The following PTPN4 variants were observed in gnomAD, a reference collection of about 807,000 sequenced individuals.
PTPN4 encodes tyrosine-protein phosphatase non-receptor type 4.
Under a neutral mutation model 135.5 loss-of-function variants are expected in PTPN4, and 49 were observed. The ratio of observed to expected loss-of-function variants is 0.36; its 90% CI spans 0.29 to 0.46. The LOEUF (loss-of-function observed/expected upper bound fraction) is 0.46. PTPN4 is among the 20% of genes least tolerant of loss of function. PTPN4 has a pLI of 1.00. For synonymous variants in PTPN4, 333 were observed against 369.9 expected (o/e 0.90, Z 1.14); for missense variants, 860 against 1,101.0 (o/e 0.78, Z 3.10).
At chr2:119,801,387 C>A (rs1283046982) in intron 1 of PTPN4, among the ~76,000 whole-genome samples, 15 of 152,114 alleles carry the variant, frequency 9.9e-5, no homozygotes, top group Admixed American at 9.2e-4. Context: ...TGCGCCTGGC[C>A]TTCCATATTA....
intron 1 of PTPN4, among the ~76,000 whole-genome samples, chr2:119,796,186 C>T (rs1691255749): frequency 6.6e-6 from 1 of 152,160 alleles, no homozygotes; most frequent in Non-Finnish European, 1.5e-5. Flanking sequence ...CTCTGGCCTC[C>T]CCACTGCAGC....
intron 8 of PTPN4, among the ~76,000 whole-genome samples, chr2:119,885,080 C>T: frequency 6.6e-6 from 1 of 152,030 alleles, no homozygotes; most frequent in South Asian, 2.1e-4. Flanking sequence ...CAGTTTTGAC[C>T]TCATCCTTTC....
chr2:119,969,333 T>C (rs911603418), intron 26 of PTPN4, among the ~76,000 whole-genome samples: 4 of 151,962 alleles, frequency 2.6e-5, no homozygotes, highest in Non-Finnish European at 5.9e-5. Context: ...TTACAGAAAA[T>C]TTCAAACATA....
intron 13 of PTPN4, among the ~76,000 whole-genome samples, chr2:119,928,025 T>C (rs1574408375): frequency 6.6e-6 from 1 of 152,326 alleles, no homozygotes; most frequent in East Asian, 1.9e-4. Context: ...AAGACAACTT[T>C]TTAAAAAAAT....
At chr2:119,786,353 G>A (rs1691047547) in intron 1 of PTPN4, among the ~76,000 whole-genome samples, 1 of 152,148 alleles carries the variant, frequency 6.6e-6, no homozygotes, top group African/African-American at 2.4e-5. Context: ...ACCTACTGCT[G>A]TGTAACCATC....
intron 1 of PTPN4, among the ~76,000 whole-genome samples, chr2:119,791,719 T>C (rs540688117): frequency 6.6e-6 from 1 of 152,334 alleles, no homozygotes; most frequent in East Asian, 1.9e-4. Context: ...AGATTTTCTT[T>C]CTCTTTGATT....
chr2:119,881,838 CT>C lies in PTPN4; in HGVS notation c.413+11del, dbSNP rs571635744. 1.0e-5 allele frequency: 16 copies of C among 1,538,060 alleles called. No individual in the cohort carries two copies. In the South Asian group the frequency reaches 1.8e-4, roughly 17 times the overall value. On this transcript the variant is annotated intron_variant, in intron 6 of 26. Transcript: ENST00000263708. ...AGACATTCTTACTGGAAGGTGGGCTCTTTAAATTTCTTAAAAAATTTTTTGT... is the reference window on the plus strand; with the variant it reads ...AGACATTCTTACTGGAAGGTGGGCTCTTAAATTTCTTAAAAAATTTTTTGT...
chr2:119,887,866 T>C (rs1353450515), intron 9 of PTPN4, among the ~76,000 whole-genome samples: 1 of 152,180 alleles, frequency 6.6e-6, no homozygotes, highest in Admixed American at 6.5e-5. Context: ...CTTTTTTGTT[T>C]CTATATTAAT....
In PTPN4 at chr2:119,862,640, C is replaced by G. The variant is rs921771124; in HGVS notation, c.243C>G (p.Asn81Lys). The change falls in exon 3 of 27, where the codon AAC (asparagine) becomes AAG (lysine). Residue 81 changes from asparagine to lysine, a missense_variant. Transcript: ENST00000263708. ...AGTTGGCTGATGATTCCACAGATAACCCAGTAAGTGTAAGATTTTGTCTTT... is the reference window on the plus strand; with the variant it reads ...AGTTGGCTGATGATTCCACAGATAAGCCAGTAAGTGTAAGATTTTGTCTTT... ...GLQLADDSTD[N>K]PRWLDPNKPI... The G allele has an allele frequency of 6.2e-7, 1 of 1,600,480 alleles. No individual in the cohort carries two copies. Among genetic ancestry groups the G allele is most frequent in the Admixed American group, 1.7e-5 (1 of 59,634 alleles).
intron 7 of PTPN4, 112 bp downstream of exon 7, chr2:119,882,261 G>T: frequency 8.8e-7 from 1 of 1,140,890 alleles, no homozygotes; most frequent in South Asian, 1.4e-5. Flanking sequence ...AGAAAATAGT[G>T]ACTGCAGTGG....
chr2:119,876,318 G>C (rs1239916001), intron 3 of PTPN4, among the ~76,000 whole-genome samples: 1 of 152,128 alleles, frequency 6.6e-6, no homozygotes, highest in Admixed American at 6.5e-5. Flanking sequence ...AACTGGGAGA[G>C]CAATTAAGAG....
At chr2:119,822,459 A>C (rs1413888429) in intron 2 of PTPN4, among the ~76,000 whole-genome samples, 1 of 150,094 alleles carries the variant, frequency 6.7e-6, no homozygotes, top group Non-Finnish European at 1.5e-5. Flanking sequence ...TGCGGGTTCA[A>C]GTGATTCTCC....
intron 1 of PTPN4, among the ~76,000 whole-genome samples, chr2:119,765,967 A>T (rs1231480385): frequency 6.6e-6 from 1 of 151,416 alleles, no homozygotes; most frequent in Non-Finnish European, 1.5e-5. Flanking sequence ...GCAGTGGGAA[A>T]TGAAGTCTTG....
At chr2:119,816,049 C>T (rs538588822) in intron 2 of PTPN4, among the ~76,000 whole-genome samples, 3 of 152,110 alleles carry the variant, frequency 2.0e-5, no homozygotes. Flanking sequence ...AGAAATGTGT[C>T]GTTAGGTGAT....
intron 1 of PTPN4, among the ~76,000 whole-genome samples, chr2:119,780,273 A>G (rs1193424800): frequency 6.6e-6 from 1 of 152,230 alleles, no homozygotes; most frequent in Non-Finnish European, 1.5e-5. Flanking sequence ...ATGTTTCAGC[A>G]TGTAATCATG....
intron 1 of PTPN4, among the ~76,000 whole-genome samples, chr2:119,779,800 A>G (rs756889740): frequency 2.1e-4 from 32 of 152,180 alleles, no homozygotes; most frequent in Non-Finnish European, 3.8e-4. Context: ...GGAGAAGGGC[A>G]GTGGTGTGAT....
chr2:119,770,941 G>C (rs6711896), intron 1 of PTPN4, among the ~76,000 whole-genome samples: 44,790 of 150,470 alleles, frequency 0.3, 6,852 homozygotes, highest in African/African-American at 0.36. Context: ...GTGCAGTGGC[G>C]CAGTCTCTGC....
chr2:119,772,036 A>T (rs1020940165), intron 1 of PTPN4, among the ~76,000 whole-genome samples: 1 of 152,342 alleles, frequency 6.6e-6, no homozygotes, highest in Admixed American at 6.5e-5. Flanking sequence ...AGTTTTTAAG[A>T]TAATATTATT....
chr2:119,932,376 G>T, intron 13 of PTPN4, 48 bp from the exon 14 acceptor site: 3 of 1,469,244 alleles, frequency 2.0e-6, no homozygotes, highest in South Asian at 2.7e-5. Flanking sequence ...TCATGGTTTG[G>T]GGTATAAAAA....
Sources: gnomAD v4.1 joint callset for allele counts (sites outside exome capture counted in the v4.1 genomes callset) on GRCh38, gnomAD v4.1.1 for gene constraint, MANE v1.5 for transcripts, NCBI Gene and HGNC (gene_info 2026-07-23, HGNC 2026-07-21) for gene names.